EEIG1: variants seen among roughly 807,000 people sequenced by gnomAD.
EEIG1 encodes early estrogen-induced gene 1 protein.
the EEIG1 span, chr9:127,943,696 G>GTTTCT: frequency 6.1e-6 from 1 of 164,804 alleles, no homozygotes; most frequent in South Asian, 1.5e-4. Context: ...AACCAGATTG[G>GTTTCT]TTTCTTTCCC....
At chr9:127,945,042 C>A in the EEIG1 span, 51 of 1,019,644 alleles carry the variant, frequency 5.0e-5, no homozygotes, top group Non-Finnish European at 6.9e-5. This position sits in a 1 kb window ranked among gnomAD's most constrained non-coding sequence, Gnocchi z 6.5. Context: ...TGAAACCTCA[C>A]ATGCACAATA....
chr9:127,979,973 C>T, the EEIG1 span: 2 of 1,602,358 alleles, frequency 1.2e-6, no homozygotes, highest in East Asian at 2.2e-5. Context: ...GCTGCAGGCG[C>T]GACCGCCCCA....
chr9:127,967,258 A>T, the EEIG1 span, among the ~76,000 whole-genome samples: 1 of 152,114 alleles, frequency 6.6e-6, no homozygotes, highest in Non-Finnish European at 1.5e-5. Context: ...ACTTCCAAAG[A>T]TGAGCGCTCC....
At chr9:127,974,043 G>A in the EEIG1 span, among the ~76,000 whole-genome samples, 1 of 152,120 alleles carries the variant, frequency 6.6e-6, no homozygotes, top group Non-Finnish European at 1.5e-5. Context: ...TGCAGGGGTC[G>A]ACAAACCCTG....
the EEIG1 span, chr9:127,945,740 T>C: frequency 1.9e-6 from 3 of 1,568,028 alleles, no homozygotes; most frequent in Non-Finnish European, 2.6e-6. This position sits in a 1 kb window ranked among gnomAD's most constrained non-coding sequence, Gnocchi z 6.5. Flanking sequence ...TCTGGTCGGG[T>C]TCCTCTGGCA....
the EEIG1 span, among the ~76,000 whole-genome samples, chr9:127,960,806 T>C: frequency 1.3e-5 from 2 of 152,108 alleles, no homozygotes; most frequent in African/African-American, 4.8e-5. Flanking sequence ...GGAACCCTCC[T>C]AGCTCAGGTA....
At chr9:127,973,426 C>T in the EEIG1 span, among the ~76,000 whole-genome samples, 8 of 152,180 alleles carry the variant, frequency 5.3e-5, no homozygotes, top group Non-Finnish European at 1.0e-4. The surrounding 1 kb of genome is among the most constrained non-coding windows in gnomAD (Gnocchi z 4.2). Context: ...AGAGCAGCTC[C>T]CAGGACGGAG....
chr9:127,953,738 G>A, the EEIG1 span: 14 of 1,612,376 alleles, frequency 8.7e-6, no homozygotes, highest in Non-Finnish European at 1.2e-5. Context: ...TCAGCTGGGG[G>A]TGCGGACTCA....
chr9:127,961,714 C>T, the EEIG1 span, among the ~76,000 whole-genome samples: 31 of 152,316 alleles, frequency 2.0e-4, no homozygotes, highest in South Asian at 6.0e-3. Context: ...AGAATGAGGG[C>T]CAGAGAAGGT....
At chr9:127,941,555 C>G in the EEIG1 span, 1 of 133,998 alleles carries the variant, frequency 7.5e-6, no homozygotes, top group Admixed American at 8.0e-5. Context: ...CATTCATTTT[C>G]TAAGGGTTAG....
At chr9:127,965,059 A>G in the EEIG1 span, among the ~76,000 whole-genome samples, 2 of 142,386 alleles carry the variant, frequency 1.4e-5, no homozygotes, top group African/African-American at 5.2e-5. Flanking sequence ...CAGTGAGCCA[A>G]GATCGCGCCA....
At chr9:127,943,423 CAG>C in the EEIG1 span, 4 of 621,552 alleles carry the variant, frequency 6.4e-6, no homozygotes, top group Non-Finnish European at 1.2e-5. Context: ...TAGTAAGCAT[CAG>C]AGTCTGTGGG....
chr9:127,954,888 T>A, the EEIG1 span, among the ~76,000 whole-genome samples: 1 of 152,170 alleles, frequency 6.6e-6, no homozygotes, highest in Non-Finnish European at 1.5e-5. Context: ...ACTGGAGAGA[T>A]GCTTTGTGCC....
the EEIG1 span, among the ~76,000 whole-genome samples, chr9:127,965,841 G>A: frequency 6.6e-6 from 1 of 152,260 alleles, no homozygotes; most frequent in Admixed American, 6.5e-5. Context: ...AAGAGCCAGC[G>A]TGGCAGCACA....
At chr9:127,958,152 G>C in the EEIG1 span, among the ~76,000 whole-genome samples, 12 of 152,206 alleles carry the variant, frequency 7.9e-5, no homozygotes, top group Non-Finnish European at 1.5e-4. Flanking sequence ...AATGAAGTGC[G>C]TGTGTGAGGG....
chr9:127,965,128 A>C, the EEIG1 span, among the ~76,000 whole-genome samples: 1 of 122,578 alleles, frequency 8.2e-6, no homozygotes, highest in African/African-American at 3.3e-5. Context: ...AAAAAAAAAA[A>C]AAAAAAAAAA....
the EEIG1 span, among the ~76,000 whole-genome samples, chr9:127,979,016 C>T: frequency 6.6e-6 from 1 of 151,818 alleles, no homozygotes; most frequent in Non-Finnish European, 1.5e-5. Context: ...AATCGCGTCC[C>T]CCCAAAAAAG....
chr9:127,966,167 T>TGGGCAC, the EEIG1 span, among the ~76,000 whole-genome samples: 4 of 152,082 alleles, frequency 2.6e-5, no homozygotes, highest in African/African-American at 9.7e-5. Context: ...GGGCAGGGCA[T>TGGGCAC]GGGCACAGGG....
the EEIG1 span, chr9:127,980,136 A>G: frequency 3.1e-6 from 5 of 1,612,092 alleles, no homozygotes; most frequent in African/African-American, 4.0e-5. Context: ...CAAGAAAGCC[A>G]TGAGCGAGTT....
Sources: gnomAD v4.1 joint callset for allele counts (sites outside exome capture counted in the v4.1 genomes callset) on GRCh38, gnomAD v4.1.1 for gene constraint, Gnocchi (gnomAD v3.1) non-coding constraint, MANE v1.5 for transcripts, NCBI Gene and HGNC (gene_info 2026-07-23, HGNC 2026-07-21) for gene names.